Variants in NNMT observed in about 807,000 individuals in gnomAD.
NNMT encodes the protein nicotinamide N-methyltransferase.
A neutral mutation model predicts 11.7 loss-of-function variants in NNMT; 10 were observed. The observed-to-expected ratio is 0.85, with a 90% confidence interval of 0.53 to 1.45. The LOEUF (loss-of-function observed/expected upper bound fraction) is 1.45, where lower values mean the gene tolerates loss of function less well. Ranked by LOEUF, NNMT falls within the 40% of genes most tolerant of loss-of-function variation. The probability of loss-of-function intolerance (pLI) is 0.00; values close to 1 mark genes in which losing one functional copy is unlikely to be tolerated. For synonymous variants in NNMT, 143 were observed against 133.8 expected (o/e 1.07, Z -0.48); for missense variants, 381 against 319.4 (o/e 1.19, Z -1.47).
At chr11:114,270,101 C>A (rs1945158327) in intron 2 of NNMT, among the ~76,000 whole-genome samples, 1 of 151,810 alleles carries the variant, frequency 6.6e-6, no homozygotes, top group South Asian at 2.1e-4. Context: ...TATTTTGTTG[C>A]AATTTGATCA....
At chr11:114,259,702 A>AGG (rs1945060698) in intron 1 of NNMT, among the ~76,000 whole-genome samples, 1 of 151,660 alleles carries the variant, frequency 6.6e-6, no homozygotes, top group Non-Finnish European at 1.5e-5. Context: ...AGTGAAAGTG[A>AGG]ACTCGCTCAT....
intron 2 of NNMT, among the ~76,000 whole-genome samples, chr11:114,300,972 C>T (rs532587004): frequency 6.6e-6 from 1 of 152,094 alleles, no homozygotes; most frequent in African/African-American, 2.4e-5. Context: ...TTTAGTGATT[C>T]AGTACTGACA....
chr11:114,306,185 T>C (rs1945490778), intron 2 of NNMT, among the ~76,000 whole-genome samples: 1 of 152,226 alleles, frequency 6.6e-6, no homozygotes, highest in African/African-American at 2.4e-5. Flanking sequence ...TGCCCACTTT[T>C]TGATGGGGTT....
At chr11:114,266,067 T>C (rs1448250587) in intron 2 of NNMT, among the ~76,000 whole-genome samples, 1 of 152,164 alleles carries the variant, frequency 6.6e-6, no homozygotes, top group Non-Finnish European at 1.5e-5. Context: ...GTAGCTTTCC[T>C]ATATCCAAGA....
chr11:114,307,917 G>T, intron 2 of NNMT, among the ~76,000 whole-genome samples: 1 of 151,812 alleles, frequency 6.6e-6, no homozygotes, highest in East Asian at 1.9e-4. Context: ...CCCCATTAGT[G>T]CCATGCTCCT....
intron 2 of NNMT, among the ~76,000 whole-genome samples, chr11:114,263,533 C>T (rs1945099488): frequency 6.6e-6 from 1 of 152,150 alleles, no homozygotes; most frequent in Non-Finnish European, 1.5e-5. Context: ...AACTCTTTCC[C>T]ACCTGAAGAG....
At position 114,312,158 on chromosome 11, in the gene NNMT, G is replaced by C; in HGVS notation, c.476G>C (p.Cys159Ser). The change falls in exon 3 of 3, where the codon TGC becomes TCC. Residue 159 changes from cysteine to serine, a missense_variant. Transcript: ENST00000299964. ...LGAVPLPPAD[C>S]VLSTLCLDAA... ...GCCGTCCCCTTACCCCCGGCTGACTGCGTGCTCAGCACACTGTGTCTGGAT... is the reference window on the plus strand; with the variant it reads ...GCCGTCCCCTTACCCCCGGCTGACTCCGTGCTCAGCACACTGTGTCTGGAT... 1 of 1,614,174 alleles carries C rather than the reference G, an allele frequency of 6.2e-7. No homozygotes were observed. The highest frequency in any genetic ancestry group is 8.5e-7 in the Non-Finnish European group (1 of 1,180,014).
chr11:114,312,050 A>G lies in NNMT; in HGVS notation c.368A>G (p.Lys123Arg). 1 of 1,560,966 alleles carries G rather than the reference A, an allele frequency of 6.4e-7. No homozygotes were observed. The highest frequency in any genetic ancestry group is 2.3e-5 in the East Asian group (1 of 44,138). Reference sequence around the variant, plus strand: ...TGTGGGTTTGTGTTTTTCAGAGTCAAGGGTCCAGAGAAGGAGGAGAAGTTG... The same window carrying G: ...TGTGGGTTTGTGTTTTTCAGAGTCAGGGGTCCAGAGAAGGAGGAGAAGTTG... ...YVCDLEGNRV[K>R]GPEKEEKLRQ... The change falls in exon 3 of 3, where the codon AAG becomes AGG. Residue 123 changes from lysine to arginine, a missense_variant. Physicochemically the swap from Lys to Arg is conservative, Grantham distance 26. Coordinates refer to ENST00000299964, the MANE Select transcript of NNMT (RefSeq NM_006169.3).
At chr11:114,260,753 G>A (rs921006464) in intron 1 of NNMT, among the ~76,000 whole-genome samples, 28 of 152,334 alleles carry the variant, frequency 1.8e-4, no homozygotes, top group Non-Finnish European at 3.2e-4. Context: ...ACGGAACCAA[G>A]CACCCAGGCT....
At chr11:114,296,083 AT>A (rs1945373846), upstream of NNMT, 1 of 153,640 alleles carries the variant, frequency 6.5e-6, no homozygotes, top group Admixed American at 6.4e-5. Flanking sequence ...ACATGTTTAA[AT>A]TTAAACCATT....
intron 2 of NNMT, among the ~76,000 whole-genome samples, chr11:114,270,776 CT>C (rs1305510310): frequency 2.0e-5 from 3 of 151,758 alleles, no homozygotes; most frequent in Non-Finnish European, 4.4e-5. Flanking sequence ...CCCTAGTTAC[CT>C]TTTTGTTTAG....
intron 2 of NNMT, among the ~76,000 whole-genome samples, chr11:114,303,784 T>C (rs940435029): frequency 9.9e-5 from 15 of 152,154 alleles, no homozygotes; most frequent in Non-Finnish European, 2.1e-4. Flanking sequence ...TGGTGAGATC[T>C]CACTGTAGCC....
intron 2 of NNMT, among the ~76,000 whole-genome samples, chr11:114,265,025 C>G (rs1388350661): frequency 6.6e-6 from 1 of 152,142 alleles, no homozygotes; most frequent in Admixed American, 6.5e-5. Context: ...TGGAAATCAA[C>G]TCAACCTTCA....
chr11:114,268,116 C>A (rs1001436498), intron 2 of NNMT, among the ~76,000 whole-genome samples: 2 of 152,090 alleles, frequency 1.3e-5, no homozygotes, highest in East Asian at 1.9e-4. Flanking sequence ...TCTGAAGAGA[C>A]CTTATGGAGC....
chr11:114,285,738 G>A (rs1945293664), intron 2 of NNMT, among the ~76,000 whole-genome samples: 1 of 152,226 alleles, frequency 6.6e-6, no homozygotes, highest in Non-Finnish European at 1.5e-5. Context: ...GAAAGAGGAA[G>A]AGGCTCAGTA....
chr11:114,268,346 C>G (rs905561213), intron 2 of NNMT, among the ~76,000 whole-genome samples: 6 of 152,140 alleles, frequency 3.9e-5, no homozygotes, highest in Non-Finnish European at 7.4e-5. Context: ...TACAGTCCTC[C>G]CACTTGTTCA....
intron 2 of NNMT, among the ~76,000 whole-genome samples, chr11:114,277,551 G>A (rs1250209232): frequency 3.3e-5 from 5 of 152,184 alleles, no homozygotes; most frequent in Non-Finnish European, 7.3e-5. Context: ...ATATTTGAGG[G>A]TAAGCCACGT....
chr11:114,266,429 A>G (rs1226317613), intron 2 of NNMT, among the ~76,000 whole-genome samples: 8 of 151,644 alleles, frequency 5.3e-5, no homozygotes, highest in Admixed American at 5.3e-4. Flanking sequence ...GTCTTCTTCC[A>G]CTCTTTTCCC....
rs143342016 is a variant in NNMT, at chr11:114,304,156, T to C, written c.362+5998T>C. Among the ~76,000 whole-genome samples, 763 of 152,200 alleles carry C rather than the reference T, an allele frequency of 5.0e-3. 4 individuals are homozygous for C. Among genetic ancestry groups the C allele is most frequent in the African/African-American group, 0.018 (737 of 41,516 alleles). On this transcript the variant is annotated intron_variant, in intron 2 of 2. Coordinates refer to ENST00000299964, the MANE Select transcript of NNMT (RefSeq NM_006169.3). ...TTAGTAAATAAGGAAATTCCCAGGG[T>C]TTGTAGAATCTCAGGGAAACTTTGT...
Sources: allele counts gnomAD v4.1 joint callset (sites outside exome capture counted in the v4.1 genomes callset), GRCh38; gene constraint gnomAD v4.1.1; transcripts MANE v1.5; gene names NCBI Gene and HGNC (gene_info 2026-07-23, HGNC 2026-07-21).